The following DMD variants were observed in gnomAD, a reference collection of about 807,000 sequenced individuals.
DMD encodes the protein mutant dystrophin.
A neutral mutation model predicts 330.1 loss-of-function variants in DMD; 63 were observed. The observed-to-expected ratio is 0.19, with a 90% confidence interval of 0.16 to 0.24. DMD has a LOEUF of 0.24. Among genes scored for constraint, DMD ranks in the 10% least tolerant of loss-of-function variants. DMD has a pLI of 1.00. For synonymous variants in DMD, 1,223 were observed against 959.8 expected (o/e 1.27, Z -5.07); for missense variants, 3,344 against 2,684.1 (o/e 1.25, Z -5.43).
chrX:32,166,447 G>GAC (rs1444121208), intron 44 of DMD, among the ~76,000 whole-genome samples: 1 of 111,184 alleles, frequency 9.0e-6, no homozygotes. Context: ...AACAGAATGA[G>GAC]ACCCTGTCTC....
rs757724169 is a variant in DMD, at chrX:31,406,241, G to T, written c.9084+38240C>A. Among the ~76,000 whole-genome samples the T allele has an allele frequency of 7.2e-5, 8 of 111,268 alleles. No homozygotes were observed. In the East Asian group the frequency reaches 2.2e-3, roughly 31 times the overall value. ...ATTTTAAGATATGTATAGTATACTTGGGGATAATGAAAATACGAGTAGGCA... is the reference window on the plus strand; with the variant it reads ...ATTTTAAGATATGTATAGTATACTTTGGGATAATGAAAATACGAGTAGGCA... On this transcript the variant is annotated intron_variant, in intron 60 of 78. Coordinates refer to ENST00000357033, the MANE Select transcript of DMD (RefSeq NM_004006.3).
At chrX:31,941,640 C>T (rs1569518985) in intron 45 of DMD, among the ~76,000 whole-genome samples, 1 of 111,403 alleles carries the variant, frequency 9.0e-6, no homozygotes, top group Non-Finnish European at 1.9e-5. Flanking sequence ...TAAAAATGAT[C>T]CCACCACACA....
At chrX:32,892,722 A>G (rs1023915917) in intron 2 of DMD, among the ~76,000 whole-genome samples, 5 of 111,696 alleles carry the variant, frequency 4.5e-5, no homozygotes, top group Non-Finnish European at 9.4e-5. Flanking sequence ...ATAACATTAC[A>G]CACCAAGTAT....
intron 56 of DMD, among the ~76,000 whole-genome samples, chrX:31,497,790 G>A (rs1011226711): frequency 4.5e-5 from 5 of 112,212 alleles, no homozygotes; most frequent in African/African-American, 9.7e-5. Flanking sequence ...AAGAGGAAAC[G>A]CAGTGTTAGC....
intron 11 of DMD, among the ~76,000 whole-genome samples, chrX:32,627,814 G>A (rs1198041537): frequency 9.0e-6 from 1 of 111,228 alleles, no homozygotes; most frequent in African/African-American, 3.3e-5. Flanking sequence ...TCACCAAAAC[G>A]AAAATTACAG....
chrX:31,830,333 G>T (rs1022069178), intron 49 of DMD, among the ~76,000 whole-genome samples: 5 of 112,855 alleles, frequency 4.4e-5, no homozygotes, highest in Non-Finnish European at 9.4e-5. Flanking sequence ...AGTGGCTCAC[G>T]CCTGTAATCC....
chrX:32,754,451 C>A (rs1015576989), intron 7 of DMD, among the ~76,000 whole-genome samples: 12 of 110,133 alleles, frequency 1.1e-4, no homozygotes, highest in African/African-American at 3.6e-4. Context: ...GTTATTAATT[C>A]CTCTGCCAAC....
intron 1 of DMD, among the ~76,000 whole-genome samples, chrX:33,184,227 A>C (rs2050137449): frequency 8.9e-6 from 1 of 112,292 alleles, no homozygotes; most frequent in African/African-American, 3.2e-5. Flanking sequence ...ATTCTACATT[A>C]GATTTTTTTG....
At chrX:31,452,029 C>T (rs932975735) in intron 59 of DMD, among the ~76,000 whole-genome samples, 1 of 109,560 alleles carries the variant, frequency 9.1e-6, no homozygotes, top group Non-Finnish European at 1.9e-5. Flanking sequence ...AATAATGAAA[C>T]AGACTCAGAA....
intron 44 of DMD, among the ~76,000 whole-genome samples, chrX:32,016,266 G>A (rs755593025): frequency 9.0e-6 from 1 of 111,643 alleles, no homozygotes; most frequent in Non-Finnish European, 1.9e-5. Flanking sequence ...TGTTCTGAAA[G>A]CCCCTCCCTT....
At chrX:32,544,821 T>C (rs1200871029) in intron 17 of DMD, among the ~76,000 whole-genome samples, 1 of 105,891 alleles carries the variant, frequency 9.4e-6, no homozygotes, top group African/African-American at 3.5e-5. Flanking sequence ...AACTAGGGAC[T>C]CAACAAGCAG....
At chrX:32,519,659 A>T (rs2046231283) in intron 17 of DMD, among the ~76,000 whole-genome samples, 4 of 111,962 alleles carry the variant, frequency 3.6e-5, no homozygotes, top group Middle Eastern at 4.6e-3. Flanking sequence ...TTGACTTAAA[A>T]CTTCTAGGAA....
chrX:31,611,266 G>A (rs748081072), intron 55 of DMD, among the ~76,000 whole-genome samples: 29 of 109,886 alleles, frequency 2.6e-4, no homozygotes, highest in African/African-American at 8.6e-4. Flanking sequence ...AGTAAAGATG[G>A]TGTCCGTGGT....
At chrX:32,272,173 A>C (rs1414274456) in intron 43 of DMD, among the ~76,000 whole-genome samples, 2 of 112,117 alleles carry the variant, frequency 1.8e-5, no homozygotes, top group Non-Finnish European at 3.8e-5. Flanking sequence ...ATAACCTGTA[A>C]GATAAATAGG....
rs436628 is a variant in DMD at position 31,122,179 on chromosome X, T to A, written c.11047-249A>T. 0.2 allele frequency among the ~76,000 whole-genome samples: 22,351 copies of A among 111,061 alleles called. 1,922 individuals carry two copies. Among genetic ancestry groups the A allele is most frequent in the African/African-American group, 0.32 (9,856 of 30,461 alleles). On this transcript the variant is annotated intron_variant, in intron 78 of 78. Transcript: ENST00000357033. ...AATGTTGGATCAGGCTACTGGTGTT[T>A]ACATGGAAAAATGTCAAGCTACATT...
intron 53 of DMD, among the ~76,000 whole-genome samples, chrX:31,664,380 C>T (rs749044187): frequency 2.7e-5 from 3 of 111,602 alleles, no homozygotes; most frequent in Non-Finnish European, 5.6e-5. Context: ...GATTCAGTTA[C>T]CAAAAGCCAA....
chrX:32,959,358 C>A (rs1331877998), intron 2 of DMD, among the ~76,000 whole-genome samples: 1 of 111,352 alleles, frequency 9.0e-6, no homozygotes, highest in African/African-American at 3.3e-5. Context: ...AGGGACTCTT[C>A]TCATCCAATT....
intron 44 of DMD, among the ~76,000 whole-genome samples, chrX:32,210,873 A>G (rs1250824443): frequency 9.0e-6 from 1 of 111,722 alleles, no homozygotes. Context: ...TTCCATTAAG[A>G]GGAGGACGGT....
At chrX:32,947,233 G>T (rs983375258) in intron 2 of DMD, among the ~76,000 whole-genome samples, 3 of 111,975 alleles carry the variant, frequency 2.7e-5, no homozygotes, top group African/African-American at 9.7e-5. Context: ...AATCCATCCA[G>T]TTTTCCTTAA....
Sources: gnomAD v4.1 joint callset for allele counts (sites outside exome capture counted in the v4.1 genomes callset) on GRCh38, gnomAD v4.1.1 for gene constraint, MANE v1.5 for transcripts, NCBI Gene and HGNC (gene_info 2026-07-23, HGNC 2026-07-21) for gene names.